Variants in RGSL1 observed in about 807,000 individuals in gnomAD.
RGSL1 encodes the protein regulator of G protein signaling protein-like.
Under a neutral mutation model 124.7 loss-of-function variants are expected in RGSL1, and 97 were observed. That is an observed-to-expected ratio of 0.78 (90% CI 0.66 to 0.92). RGSL1 has a LOEUF of 0.92. Ranked by LOEUF, RGSL1 falls within the 40% of genes least tolerant of loss-of-function variation. The pLI is 0.00. For synonymous variants in RGSL1, 424 were observed against 438.1 expected (o/e 0.97, Z 0.40); for missense variants, 1,233 against 1,288.4 (o/e 0.96, Z 0.66).
chr1:182,489,307 AG>A, intron 8 of RGSL1, 105 bp downstream of exon 8: 1 of 1,003,890 alleles, frequency 1.0e-6, no homozygotes, highest in Non-Finnish European at 1.4e-6. Context: ...TATGCAGTGC[AG>A]GGATTACCTA....
At chr1:182,535,768 T>C (rs190621039) in intron 14 of RGSL1, among the ~76,000 whole-genome samples, 9 of 152,192 alleles carry the variant, frequency 5.9e-5, no homozygotes, top group Admixed American at 5.9e-4. Flanking sequence ...TTCCCGTTTA[T>C]TTTTAAATTA....
At chr1:182,450,737 A>G (rs952379455) in intron 1 of RGSL1, among the ~76,000 whole-genome samples, 38 of 152,312 alleles carry the variant, frequency 2.5e-4, no homozygotes, top group African/African-American at 8.7e-4. Flanking sequence ...AACAACAATC[A>G]CTAGGGAATT....
chr1:182,530,424 T>C, intron 12 of RGSL1, 63 bp downstream of exon 12: 1 of 1,262,650 alleles, frequency 7.9e-7, no homozygotes, highest in Non-Finnish European at 1.1e-6. Context: ...CTGAAAGCCA[T>C]ATGCATCAAG....
intron 15 of RGSL1, among the ~76,000 whole-genome samples, chr1:182,547,519 G>A (rs551656420): frequency 1.6e-4 from 25 of 152,192 alleles, no homozygotes; most frequent in Admixed American, 1.1e-3. Flanking sequence ...AGCAACCAGC[G>A]TAGCCTATTA....
chr1:182,548,538 C>A, intron 16 of RGSL1, 83 bp downstream of exon 16: 2 of 1,529,286 alleles, frequency 1.3e-6, no homozygotes, highest in South Asian at 2.5e-5. Flanking sequence ...AATTGTCAGG[C>A]ACCTCATAAG....
rs202209682 is a variant in RGSL1, at chr1:182,459,945, AT to A, written c.172-52del. The A allele has an allele frequency of 4.6e-6, 7 of 1,524,600 alleles. No individual in the cohort carries two copies. In the African/African-American group the frequency reaches 5.5e-5, roughly 12 times the overall value. The allele number at this position is 1,524,600 out of a possible 1,614,324, so 94.4% of individuals were successfully genotyped here. On this transcript the variant is annotated intron_variant, in intron 3 of 21. Coordinates refer to ENST00000294854, the MANE Select transcript of RGSL1 (RefSeq NM_001137669.2). ...GATTAGTTGCCACTTACTAAGTTGTATTTTTTTAGCAGTTCGGTTTCACTTA... is the reference window on the plus strand; with the variant it reads ...GATTAGTTGCCACTTACTAAGTTGTATTTTTTAGCAGTTCGGTTTCACTTA...
At chr1:182,462,605 T>C (rs1389376267) in intron 4 of RGSL1, among the ~76,000 whole-genome samples, 1 of 152,222 alleles carries the variant, frequency 6.6e-6, no homozygotes. Flanking sequence ...AACTCCACAT[T>C]AAATTTTGTT....
upstream of RGSL1, chr1:182,448,028 A>G (rs1251559755): frequency 6.6e-6 from 1 of 151,814 alleles, no homozygotes; most frequent in Non-Finnish European, 1.5e-5. Flanking sequence ...TTTTGCAAGT[A>G]TTTACGGTGA....
intron 14 of RGSL1, among the ~76,000 whole-genome samples, chr1:182,539,828 T>A (rs755622542): frequency 6.6e-6 from 1 of 152,250 alleles, no homozygotes; most frequent in Non-Finnish European, 1.5e-5. Context: ...TCTTTACTCT[T>A]GATATTTTGA....
At chr1:182,474,956 A>G (rs917424002) in intron 6 of RGSL1, among the ~76,000 whole-genome samples, 4 of 152,144 alleles carry the variant, frequency 2.6e-5, no homozygotes, top group Non-Finnish European at 5.9e-5. Flanking sequence ...CCCAGCCCCA[A>G]GTTCATGGAA....
chr1:182,543,137 G>T (rs1041817117), intron 15 of RGSL1, among the ~76,000 whole-genome samples: 1 of 152,004 alleles, frequency 6.6e-6, no homozygotes, highest in Non-Finnish European at 1.5e-5. Flanking sequence ...CCAGATCTTA[G>T]AGGAAAAACT....
chr1:182,472,492 T>C lies in RGSL1; in HGVS notation c.398T>C (p.Leu133Pro), dbSNP rs1409871222. 1.9e-6 allele frequency: 3 copies of C among 1,551,000 alleles called. No individual in the cohort carries two copies. In the Admixed American group the frequency reaches 5.9e-5, roughly 30 times the overall value. ...AGAGACTACTACCTGTCCCTCCTCCTCATGCTGAGGGCCACTCATCTGCAG... is the reference window on the plus strand; with the variant it reads ...AGAGACTACTACCTGTCCCTCCTCCCCATGCTGAGGGCCACTCATCTGCAG... ...EVRDYYLSLL[L>P]MLRATHLQEG... The change falls in exon 5 of 22, where the codon CTC (leucine) becomes CCC (proline). Residue 133 changes from leucine (L) to proline (P), a missense_variant. Coordinates refer to ENST00000294854, the MANE Select transcript of RGSL1 (RefSeq NM_001137669.2).
intron 21 of RGSL1, 67 bp downstream of exon 21, chr1:182,556,289 T>C (rs1343919499): frequency 7.9e-6 from 4 of 506,416 alleles, no homozygotes; most frequent in Non-Finnish European, 1.4e-5. Context: ...TCAGGAGACC[T>C]GGGCTCTAGG....
intron 6 of RGSL1, among the ~76,000 whole-genome samples, chr1:182,482,285 T>C (rs1434199805): frequency 6.6e-6 from 1 of 152,162 alleles, no homozygotes; most frequent in East Asian, 1.9e-4. Context: ...TCATACTCAA[T>C]GGCGAGAAGC....
intron 19 of RGSL1, 30 bp from the exon 20 acceptor site, chr1:182,554,594 CCTG>C: frequency 6.5e-7 from 1 of 1,544,922 alleles, no homozygotes; most frequent in Non-Finnish European, 8.8e-7. Flanking sequence ...TGTCATGAGT[CCTG>C]ATGCAATTTT....
At chr1:182,554,033 T>C (rs1660719195) in intron 19 of RGSL1, among the ~76,000 whole-genome samples, 1 of 152,144 alleles carries the variant, frequency 6.6e-6, no homozygotes, top group African/African-American at 2.4e-5. Flanking sequence ...GAGGCCATAT[T>C]ATATTCTTTT....
At position 182,473,756 on chromosome 1, in the gene RGSL1, C is replaced by T. The variant is rs773748257; in HGVS notation, c.645C>T (p.Tyr215=). The T allele has an allele frequency of 2.8e-5, 44 of 1,551,572 alleles. No homozygotes were observed. Among genetic ancestry groups the T allele is most frequent in the Middle Eastern group, 1.7e-4 (1 of 6,014 alleles). The part of the protein sequence containing the change: ...EEACHGLMQE[Y]ETRLYSVCYT... ...CATGCCATGGTCTGATGCAAGAGTA[C>T]GAGACTCGCTTATACAGCGTTTGCT... The change falls in exon 6 of 22, where the codon TAC becomes TAT. Residue 215 remains tyrosine, a synonymous_variant. Transcript: ENST00000294854.
At chr1:182,502,608 CTGT>C (rs1656480359) in intron 9 of RGSL1, among the ~76,000 whole-genome samples, 1 of 151,998 alleles carries the variant, frequency 6.6e-6, no homozygotes, top group African/African-American at 2.4e-5. Flanking sequence ...ATTTAGCATG[CTGT>C]TCTTTATCTA....
At chr1:182,485,845 G>A (rs1655056544) in intron 6 of RGSL1, among the ~76,000 whole-genome samples, 1 of 152,052 alleles carries the variant, frequency 6.6e-6, no homozygotes, top group Non-Finnish European at 1.5e-5. Context: ...AACATATTAG[G>A]GCACATGGAT....
Sources: gnomAD v4.1 joint callset for allele counts (sites outside exome capture counted in the v4.1 genomes callset) on GRCh38, gnomAD v4.1.1 for gene constraint, MANE v1.5 for transcripts, NCBI Gene and HGNC (gene_info 2026-07-23, HGNC 2026-07-21) for gene names.